The following AGMO variants were observed in gnomAD, a reference collection of about 807,000 sequenced individuals.
The protein encoded by AGMO is alkylglycerol monooxygenase.
Under a neutral mutation model 60.2 loss-of-function variants are expected in AGMO, and 75 were observed. That is an observed-to-expected ratio of 1.25 (90% CI 1.03 to 1.51). AGMO has a LOEUF of 1.51. Among genes scored for constraint, AGMO ranks in the 40% most tolerant of loss-of-function variants. AGMO has a pLI of 0.00. For missense variants in AGMO, 763 were observed against 525.5 expected, an observed-to-expected ratio of 1.45 and a Z score of -4.42; for synonymous variants, 261 against 177.1, an observed-to-expected ratio of 1.47 and a Z score of -3.76.
chr7:15,299,515 G>C (rs1309921335), intron 12 of AGMO, among the ~76,000 whole-genome samples: 2 of 152,040 alleles, frequency 1.3e-5, no homozygotes, highest in African/African-American at 4.8e-5. Flanking sequence ...CTAATGCTGT[G>C]TTTCATGGAT....
the AGMO span, among the ~76,000 whole-genome samples, chr7:15,180,560 T>G: frequency 6.6e-6 from 1 of 152,012 alleles, no homozygotes; most frequent in Admixed American, 6.6e-5. Context: ...ACCACTTAAG[T>G]GATCTCTAAG....
At chr7:15,322,607 T>A (rs1276583229) in intron 12 of AGMO, among the ~76,000 whole-genome samples, 1 of 62,570 alleles carries the variant, frequency 1.6e-5, no homozygotes, top group Non-Finnish European at 2.5e-5. Flanking sequence ...TATATAAATA[T>A]ATATAAATAT....
chr7:15,168,304 TAAAG>T, the AGMO span, among the ~76,000 whole-genome samples: 1 of 151,894 alleles, frequency 6.6e-6, no homozygotes, highest in African/African-American at 2.4e-5. Context: ...GCAACAGAAG[TAAAG>T]AATCAGAAAA....
the AGMO span, among the ~76,000 whole-genome samples, chr7:15,139,773 T>G: frequency 4.8e-5 from 7 of 146,570 alleles, no homozygotes; most frequent in Non-Finnish European, 7.4e-5. Context: ...TTTGCACCAC[T>G]GCACTCCAGC....
At chr7:15,272,938 C>A (rs943397017) in intron 12 of AGMO, among the ~76,000 whole-genome samples, 1 of 151,992 alleles carries the variant, frequency 6.6e-6, no homozygotes, top group African/African-American at 2.4e-5. Flanking sequence ...TGTCTTCTTT[C>A]GAGAAGTGTC....
chr7:15,431,998 A>G (rs1001229214), intron 3 of AGMO, among the ~76,000 whole-genome samples: 1 of 151,754 alleles, frequency 6.6e-6, no homozygotes, highest in Non-Finnish European at 1.5e-5. Flanking sequence ...TTTCCTAACA[A>G]AATTATAGAT....
intron 11 of AGMO, 133 bp downstream of exon 11, chr7:15,366,007 G>A (rs540284539): frequency 4.8e-6 from 3 of 620,866 alleles, no homozygotes; most frequent in Non-Finnish European, 8.1e-6. Context: ...AAAATAATGA[G>A]AAGTCAAATA....
At chr7:15,524,434 T>A (rs1169222224) in intron 3 of AGMO, among the ~76,000 whole-genome samples, 1 of 152,208 alleles carries the variant, frequency 6.6e-6, no homozygotes, top group Non-Finnish European at 1.5e-5. Context: ...ACCTATGTGC[T>A]AAAGTTTAAT....
At chr7:15,258,683 C>T (rs2128508832) in intron 12 of AGMO, among the ~76,000 whole-genome samples, 1 of 152,340 alleles carries the variant, frequency 6.6e-6, no homozygotes, top group Non-Finnish European at 1.5e-5. Context: ...CACTCCCTTG[C>T]TACCTCTACT....
intron 12 of AGMO, among the ~76,000 whole-genome samples, chr7:15,322,498 A>G (rs187677021): frequency 1.3e-5 from 1 of 75,992 alleles, no homozygotes; most frequent in Admixed American, 2.4e-4. Flanking sequence ...ATATATATAA[A>G]TATATAAATA....
chr7:15,371,564 T>G (rs919757678), intron 10 of AGMO, among the ~76,000 whole-genome samples: 4 of 152,142 alleles, frequency 2.6e-5, no homozygotes, highest in Middle Eastern at 3.4e-3. Flanking sequence ...CCGACTAATT[T>G]TTTTGTATTT....
chr7:15,157,030 G>A, the AGMO span, among the ~76,000 whole-genome samples: 14 of 152,000 alleles, frequency 9.2e-5, no homozygotes, highest in East Asian at 1.9e-4. Flanking sequence ...AAATAGCACC[G>A]TAGTTTATTG....
At chr7:15,347,632 A>C (rs1480344710) in intron 12 of AGMO, among the ~76,000 whole-genome samples, 2 of 151,994 alleles carry the variant, frequency 1.3e-5, no homozygotes, top group Admixed American at 6.6e-5. Flanking sequence ...ATGTGGGCGC[A>C]GTGTGGCCAG....
chr7:15,356,320 A>G (rs572439464), intron 12 of AGMO, among the ~76,000 whole-genome samples: 80 of 152,208 alleles, frequency 5.3e-4, no homozygotes, highest in Non-Finnish European at 1.0e-3. Context: ...ACAGATATGT[A>G]TAGTCAACAG....
the AGMO span, among the ~76,000 whole-genome samples, chr7:15,185,534 G>A: frequency 6.6e-6 from 1 of 152,336 alleles, no homozygotes; most frequent in Non-Finnish European, 1.5e-5. Context: ...CCTAGGATAA[G>A]TGGTTCTTTC....
At chr7:15,178,995 A>G in the AGMO span, among the ~76,000 whole-genome samples, 1 of 152,104 alleles carries the variant, frequency 6.6e-6, no homozygotes, top group Non-Finnish European at 1.5e-5. Flanking sequence ...TTCCTGTAAT[A>G]ATGGCATTAA....
chr7:15,303,704 G>C (rs540018093), intron 12 of AGMO, among the ~76,000 whole-genome samples: 1 of 152,242 alleles, frequency 6.6e-6, no homozygotes, highest in South Asian at 2.1e-4. Context: ...AGGAAGTGGA[G>C]CATGGGGAAC....
At chr7:15,369,395 A>C (rs1165781331) in intron 10 of AGMO, among the ~76,000 whole-genome samples, 1 of 152,000 alleles carries the variant, frequency 6.6e-6, no homozygotes, top group Non-Finnish European at 1.5e-5. Flanking sequence ...GCCATACCCC[A>C]CTATTAATCC....
intron 12 of AGMO, 93 bp from the exon 13 acceptor site, chr7:15,201,452 A>T: frequency 1.2e-6 from 1 of 861,502 alleles, no homozygotes; most frequent in Non-Finnish European, 1.8e-6. Flanking sequence ...GAGGAAAATG[A>T]ACATGGACAT....
Sources: allele counts gnomAD v4.1 joint callset (sites outside exome capture counted in the v4.1 genomes callset), GRCh38; gene constraint gnomAD v4.1.1; transcripts MANE v1.5; gene names NCBI Gene and HGNC (gene_info 2026-07-23, HGNC 2026-07-21).